The following ADK variants were observed in gnomAD, a reference collection of about 807,000 sequenced individuals.
The protein encoded by ADK is N6,N6-dimethyladenosine kinase.
In ADK, 24 loss-of-function variants were observed where a neutral mutation model predicts 44.7. The observed-to-expected ratio is 0.54, with a 90% CI of 0.39 to 0.76. ADK has a LOEUF of 0.76. Among genes scored for constraint, ADK ranks in the 30% least tolerant of loss-of-function variants. The pLI, the probability that ADK is intolerant of heterozygous loss-of-function variation, is 0.00. For synonymous variants in ADK, 128 were observed against 142.6 expected, an observed-to-expected ratio of 0.90 and a Z score of 0.73; for missense variants, 321 against 425.1, an observed-to-expected ratio of 0.76 and a Z score of 2.15.
chr10:74,581,371 A>G (rs1355047658), intron 7 of ADK, among the ~76,000 whole-genome samples: 5 of 152,152 alleles, frequency 3.3e-5, no homozygotes, highest in Admixed American at 1.3e-4. Context: ...AGCAATAGCA[A>G]TTGTTCAAAA....
At chr10:74,565,127 G>C (rs16931521) in intron 7 of ADK, among the ~76,000 whole-genome samples, 1,948 of 152,294 alleles carry the variant, frequency 0.013, 47 homozygotes, top group African/African-American at 0.044. Context: ...TTCTGGGACT[G>C]TAAATTATTC....
intron 9 of ADK, among the ~76,000 whole-genome samples, chr10:74,637,439 A>G (rs1469684533): frequency 6.6e-6 from 1 of 152,260 alleles, no homozygotes; most frequent in African/African-American, 2.4e-5. Flanking sequence ...TGAATGTTCT[A>G]AAGACCTGGT....
At chr10:74,476,535 A>G (rs539776750) in intron 6 of ADK, among the ~76,000 whole-genome samples, 63 of 152,210 alleles carry the variant, frequency 4.1e-4, no homozygotes, top group Non-Finnish European at 5.9e-4. Flanking sequence ...GTGATAAACC[A>G]ATTTACCAGA....
intron 3 of ADK, among the ~76,000 whole-genome samples, chr10:74,282,677 G>A (rs919700910): frequency 6.6e-6 from 1 of 152,158 alleles, no homozygotes; most frequent in African/African-American, 2.4e-5. Flanking sequence ...TATTTCTTCA[G>A]AAATGTTCTT....
chr10:74,498,203 T>C (rs1355035591), intron 6 of ADK, among the ~76,000 whole-genome samples: 2 of 152,146 alleles, frequency 1.3e-5, no homozygotes, highest in Non-Finnish European at 2.9e-5. Flanking sequence ...AAGACCTCTT[T>C]GAAAAAGTGT....
rs867616760 is a variant in ADK at position 74,313,427 on chromosome 10, T to C, written c.195-1240T>C. Among the ~76,000 whole-genome samples, 18 of 152,212 alleles carry C rather than the reference T, an allele frequency of 1.2e-4. No individual in the cohort carries two copies. The Middle Eastern group carries it at 0.01, about 86-fold the overall frequency. On this transcript the variant is annotated intron_variant, in intron 3 of 10. Transcript: ENST00000539909. ...TGCCTTATTAACCTGATAATTTGAG[T>C]ACATATTGAAAATTTCTAGTTTCAA...
intron 9 of ADK, among the ~76,000 whole-genome samples, chr10:74,616,581 C>T (rs988611282): frequency 5.9e-5 from 9 of 152,098 alleles, no homozygotes; most frequent in African/African-American, 2.2e-4. Context: ...TCCTCATTCT[C>T]TATCCTTTAC....
intron 4 of ADK, among the ~76,000 whole-genome samples, chr10:74,347,092 G>A: frequency 8.8e-6 from 1 of 113,772 alleles, no homozygotes; most frequent in Non-Finnish European, 1.6e-5. Context: ...GGGCGACAGA[G>A]CGACACTCTG....
chr10:74,331,306 C>T (rs1448717639), intron 4 of ADK, among the ~76,000 whole-genome samples: 1 of 151,652 alleles, frequency 6.6e-6, no homozygotes, highest in Non-Finnish European at 1.5e-5. Context: ...TTTTTTCTCA[C>T]AAACACGATA....
intron 10 of ADK, among the ~76,000 whole-genome samples, chr10:74,676,502 G>C (rs1855398346): frequency 6.6e-6 from 1 of 151,360 alleles, no homozygotes; most frequent in Non-Finnish European, 1.5e-5. Context: ...GGGGAGATGG[G>C]GTCTCACTCT....
At chr10:74,406,949 G>A (rs1470960066) in intron 6 of ADK, among the ~76,000 whole-genome samples, 2 of 150,262 alleles carry the variant, frequency 1.3e-5, no homozygotes, top group African/African-American at 4.9e-5. Context: ...AAAGTGCTGG[G>A]ATTACAGGCG....
intron 6 of ADK, among the ~76,000 whole-genome samples, chr10:74,425,047 G>A (rs917310014): frequency 2.6e-5 from 4 of 152,106 alleles, no homozygotes; most frequent in Admixed American, 1.3e-4. Context: ...ATTTTCCTGT[G>A]TGTTAGCTTG....
At chr10:74,605,558 G>A (rs772019718) in intron 9 of ADK, among the ~76,000 whole-genome samples, 29 of 152,038 alleles carry the variant, frequency 1.9e-4, no homozygotes, top group South Asian at 6.2e-4. Flanking sequence ...CTTAATTTGC[G>A]TATGTTGAAC....
chr10:74,305,127 T>C (rs935083603), intron 3 of ADK, among the ~76,000 whole-genome samples: 21 of 152,330 alleles, frequency 1.4e-4, no homozygotes, highest in East Asian at 3.9e-4. Context: ...TGTTATACTC[T>C]CTTGTTTAGG....
chr10:74,380,297 A>C (rs1337357479), intron 4 of ADK, among the ~76,000 whole-genome samples: 1 of 152,218 alleles, frequency 6.6e-6, no homozygotes, highest in Non-Finnish European at 1.5e-5. Context: ...GACTCAATTA[A>C]TGAACAAATG....
chr10:74,311,445 G>A (rs2894234), intron 3 of ADK, among the ~76,000 whole-genome samples: 110,331 of 152,036 alleles, frequency 0.73, 40,647 homozygotes, highest in Middle Eastern at 0.86. Context: ...TCAGAACAAG[G>A]CTAAATTTGC....
intron 6 of ADK, among the ~76,000 whole-genome samples, chr10:74,461,396 GA>G (rs1846167929): frequency 6.6e-6 from 1 of 151,872 alleles, no homozygotes; most frequent in Admixed American, 6.6e-5. Flanking sequence ...TTTTGGCAAG[GA>G]AAAAAGCCTG....
intron 1 of ADK, among the ~76,000 whole-genome samples, chr10:74,160,480 T>G (rs1841858475): frequency 6.6e-6 from 1 of 152,224 alleles, no homozygotes; most frequent in Admixed American, 6.5e-5. Flanking sequence ...TAAAAGTTGC[T>G]GACACACCAC....
At chr10:74,687,734 T>A (rs1855845396) in intron 10 of ADK, among the ~76,000 whole-genome samples, 1 of 152,164 alleles carries the variant, frequency 6.6e-6, no homozygotes, top group Non-Finnish European at 1.5e-5. Context: ...CCATTCCCTC[T>A]CTCCAAACCG....
Sources: allele counts gnomAD v4.1 joint callset (sites outside exome capture counted in the v4.1 genomes callset), GRCh38; gene constraint gnomAD v4.1.1; transcripts MANE v1.5; gene names NCBI Gene and HGNC (gene_info 2026-07-23, HGNC 2026-07-21).